Variants in NLGN1 observed in about 807,000 individuals in gnomAD.
The protein encoded by NLGN1 is neuroligin-1.
In NLGN1, 12 loss-of-function variants were observed where a neutral mutation model predicts 65.5. The observed-to-expected ratio is 0.18, with a 90% CI of 0.12 to 0.30. The LOEUF (loss-of-function observed/expected upper bound fraction) is 0.30. NLGN1 is among the 10% of genes least tolerant of loss of function. The probability of loss-of-function intolerance (pLI) is 1.00; values close to 1 mark genes in which losing one functional copy is unlikely to be tolerated. For synonymous variants in NLGN1, 350 were observed against 359.5 expected, an observed-to-expected ratio of 0.97 and a Z score of 0.30; for missense variants, 750 against 1,007.1, an observed-to-expected ratio of 0.74 and a Z score of 3.46.
At chr3:173,654,628 T>G (rs1759703074) in intron 3 of NLGN1, among the ~76,000 whole-genome samples, 1 of 152,162 alleles carries the variant, frequency 6.6e-6, no homozygotes, top group African/African-American at 2.4e-5. Flanking sequence ...GATATATATG[T>G]TTAATGTAGT....
intron 3 of NLGN1, among the ~76,000 whole-genome samples, chr3:173,723,727 G>T (rs527519848): frequency 6.6e-6 from 1 of 152,224 alleles, no homozygotes; most frequent in South Asian, 2.1e-4. Context: ...TCAGAGAAGG[G>T]TGTTGAGAGA....
chr3:174,294,144 A>G, the NLGN1 span, among the ~76,000 whole-genome samples: 1 of 151,800 alleles, frequency 6.6e-6, no homozygotes, highest in Non-Finnish European at 1.5e-5. Context: ...AAATCAGTGT[A>G]TCAATTTTTT....
At chr3:173,901,156 C>T (rs191515206) in intron 4 of NLGN1, among the ~76,000 whole-genome samples, 1 of 151,946 alleles carries the variant, frequency 6.6e-6, no homozygotes, top group African/African-American at 2.4e-5. Context: ...CCAAAAAAAT[C>T]CCTTTACTAG....
intron 1 of NLGN1, among the ~76,000 whole-genome samples, chr3:173,416,343 G>A (rs73047923): frequency 6.6e-6 from 1 of 152,086 alleles, no homozygotes; most frequent in African/African-American, 2.4e-5. Flanking sequence ...TAATGAGATA[G>A]TATATGCAGA....
chr3:173,754,895 TACA>T (rs1776862722), intron 3 of NLGN1, among the ~76,000 whole-genome samples: 1 of 152,150 alleles, frequency 6.6e-6, no homozygotes, highest in African/African-American at 2.4e-5. Context: ...ATTTAATTTA[TACA>T]ACAATTCCAG....
At chr3:173,994,491 A>AAAAAAAAAAAAGAG (rs10688223) in intron 4 of NLGN1, among the ~76,000 whole-genome samples, 9 of 81,232 alleles carry the variant, frequency 1.1e-4, no homozygotes, top group Non-Finnish European at 1.3e-4. Flanking sequence ...AAAAAAAAAA[A>AAAAAAAAAAAAGAG]AGAGAGAGAG....
intron 2 of NLGN1, among the ~76,000 whole-genome samples, chr3:173,533,462 C>T (rs554882611): frequency 1.3e-5 from 2 of 152,244 alleles, no homozygotes; most frequent in African/African-American, 4.8e-5. Flanking sequence ...GGCAACTCCC[C>T]ATTCTCTGAG....
At chr3:173,507,965 A>G (rs1211500355) in intron 2 of NLGN1, among the ~76,000 whole-genome samples, 2 of 152,192 alleles carry the variant, frequency 1.3e-5, no homozygotes, top group Admixed American at 6.5e-5. Flanking sequence ...ACACTACCTC[A>G]TACTACCTCA....
chr3:173,572,483 G>A (rs774582711), intron 2 of NLGN1, among the ~76,000 whole-genome samples: 9 of 152,252 alleles, frequency 5.9e-5, no homozygotes, highest in Non-Finnish European at 1.3e-4. Flanking sequence ...ACCAATCTGA[G>A]TCCATGCCAA....
chr3:173,419,275 A>T (rs1714520036), intron 1 of NLGN1, among the ~76,000 whole-genome samples: 2 of 148,404 alleles, frequency 1.3e-5, no homozygotes, highest in Non-Finnish European at 3.0e-5. Flanking sequence ...TGGAATGTGT[A>T]TGTGTAGGGG....
At chr3:174,283,350 A>T (rs1390795250) in exon 7 of NLGN1, 1 of 151,472 alleles carries the variant, frequency 6.6e-6, no homozygotes, top group East Asian at 1.9e-4. Context: ...TGAAAAAAAG[A>T]AAGATTAGCT....
At chr3:173,748,486 TG>T (rs1352661509) in intron 3 of NLGN1, among the ~76,000 whole-genome samples, 1 of 152,142 alleles carries the variant, frequency 6.6e-6, no homozygotes, top group Non-Finnish European at 1.5e-5. Context: ...AGAAACTGGT[TG>T]GATTTTAAAA....
chr3:173,635,106 A>G (rs546955126), intron 3 of NLGN1, among the ~76,000 whole-genome samples: 1 of 152,302 alleles, frequency 6.6e-6, no homozygotes, highest in Admixed American at 6.5e-5. Flanking sequence ...GTCTAACAAC[A>G]TTAATAGTTA....
At chr3:173,911,027 A>G (rs1739474946) in intron 4 of NLGN1, among the ~76,000 whole-genome samples, 2 of 152,204 alleles carry the variant, frequency 1.3e-5, no homozygotes, top group Admixed American at 6.5e-5. Flanking sequence ...TCACACACAA[A>G]TATTTATGAA....
chr3:173,605,451 T>G, intron 3 of NLGN1, 83 bp from the exon 3 acceptor site: 2 of 633,822 alleles, frequency 3.2e-6, no homozygotes, highest in Non-Finnish European at 5.0e-6. Flanking sequence ...CAGGAGCGTA[T>G]TGAGTTAGAT....
intron 4 of NLGN1, among the ~76,000 whole-genome samples, chr3:174,055,361 A>G (rs376160013): frequency 6.6e-6 from 1 of 151,950 alleles, no homozygotes; most frequent in Non-Finnish European, 1.5e-5. Context: ...GTTGGAAAGA[A>G]GAGAAAGTTG....
the NLGN1 span, among the ~76,000 whole-genome samples, chr3:174,293,175 A>G: frequency 2.0e-5 from 3 of 151,546 alleles, no homozygotes; most frequent in Non-Finnish European, 4.4e-5. Flanking sequence ...GTGTTGATAG[A>G]TCACAGAGGA....
At chr3:173,771,414 G>T (rs565556683) in intron 3 of NLGN1, among the ~76,000 whole-genome samples, 3 of 152,036 alleles carry the variant, frequency 2.0e-5, no homozygotes, top group African/African-American at 7.2e-5. Flanking sequence ...TGATGATTAG[G>T]GTATTTGAGC....
intron 4 of NLGN1, among the ~76,000 whole-genome samples, chr3:174,176,952 T>C (rs1465523135): frequency 6.6e-6 from 1 of 152,064 alleles, no homozygotes; most frequent in East Asian, 1.9e-4. Context: ...TGCTAAGTTG[T>C]GTAGAACACA....
Sources: allele counts gnomAD v4.1 joint callset (sites outside exome capture counted in the v4.1 genomes callset), GRCh38; gene constraint gnomAD v4.1.1; transcripts MANE v1.5; gene names NCBI Gene and HGNC (gene_info 2026-07-23, HGNC 2026-07-21).